DNAH9: variants seen among roughly 807,000 people sequenced by gnomAD.
DNAH9 encodes the protein dynein axonemal heavy chain 9.
Under a neutral mutation model 471.6 loss-of-function variants are expected in DNAH9, and 345 were observed. The observed-to-expected ratio is 0.73, with a 90% CI of 0.67 to 0.80. DNAH9 has a LOEUF of 0.80. Ranked by LOEUF, DNAH9 falls within the 30% of genes least tolerant of loss-of-function variation. DNAH9 has a pLI of 0.00. For missense variants in DNAH9, 5,407 were observed against 5,609.2 expected (o/e 0.96, Z 1.15); for synonymous variants, 2,093 against 2,123.6 (o/e 0.99, Z 0.40).
intron 14 of DNAH9, among the ~76,000 whole-genome samples, chr17:11,655,123 CT>C (rs1217980071): frequency 6.6e-6 from 1 of 152,098 alleles, no homozygotes; most frequent in African/African-American, 2.4e-5. Context: ...AGTGTGTAGT[CT>C]TTTACCCTCC....
rs760330537 is a variant in DNAH9 at position 11,826,820 on chromosome 17, CTTTTTTTTTTTTTT to C, written c.9246+3795_9246+3808del. ...TGTCCTCTTGTTGAGTCCCTACTTT[CTTTTTTTTTTTTTT>C]TTTTTTTTGAGACAGAGTCTGGCTG... On this transcript the variant is annotated intron_variant, in intron 48 of 68. Coordinates refer to ENST00000262442, the MANE Select transcript of DNAH9 (RefSeq NM_001372.4). Among the ~76,000 whole-genome samples the C allele has an allele frequency of 1.2e-4, 12 of 103,022 alleles. No individual in the cohort carries two copies. The Admixed American group carries it at 1.2e-3, about 10-fold the overall frequency. The allele number at this position is 103,022 out of a possible 152,430, so 67.6% of individuals were successfully genotyped here. A position where few individuals can be genotyped will look rare whatever the true frequency, so the allele number is the denominator to read the frequency against.
At chr17:11,777,407 T>C (rs1303757146) in intron 38 of DNAH9, among the ~76,000 whole-genome samples, 1 of 152,232 alleles carries the variant, frequency 6.6e-6, no homozygotes, top group Non-Finnish European at 1.5e-5. Context: ...TCTCTTCTTG[T>C]TCTTTTTGAA....
intron 38 of DNAH9, among the ~76,000 whole-genome samples, chr17:11,778,398 G>A (rs1968544378): frequency 6.7e-6 from 1 of 150,288 alleles, no homozygotes; most frequent in Admixed American, 6.6e-5. Context: ...CGGGGTGCCT[G>A]GAGCAGAGCT....
intron 67 of DNAH9, among the ~76,000 whole-genome samples, chr17:11,958,996 T>C (rs535729986): frequency 6.6e-6 from 1 of 152,174 alleles, no homozygotes; most frequent in African/African-American, 2.4e-5. Flanking sequence ...GTCAGTGAAG[T>C]TTACCATATT....
At chr17:11,850,403 C>T (rs948640341) in intron 49 of DNAH9, among the ~76,000 whole-genome samples, 1 of 152,188 alleles carries the variant, frequency 6.6e-6, no homozygotes, top group African/African-American at 2.4e-5. Context: ...AATCCCAGCA[C>T]TTTGGAAGGC....
chr17:11,648,163 C>T (rs2073430711), intron 12 of DNAH9, among the ~76,000 whole-genome samples: 1 of 152,190 alleles, frequency 6.6e-6, no homozygotes, highest in African/African-American at 2.4e-5. Flanking sequence ...AAGCAGTCAC[C>T]TACATCTGCC....
rs1974766076 is a variant in DNAH9 at position 11,937,884 on chromosome 17, C to A, written c.12660+362C>A. On this transcript the variant is annotated intron_variant, in intron 66 of 68. Coordinates refer to ENST00000262442, the MANE Select transcript of DNAH9 (RefSeq NM_001372.4). This position sits in a 1 kb window ranked among gnomAD's most constrained non-coding sequence, Gnocchi z 4.1. ...CTTCTTGATCCCCTGGCAAACCAAG[C>A]AAGGATGGGTAAGGGGTTGCCCCTG... Among the ~76,000 whole-genome samples the A allele has an allele frequency of 6.6e-6, 1 of 152,198 alleles. No homozygotes were observed. The highest frequency in any genetic ancestry group is 2.4e-5 in the African/African-American group (1 of 41,440).
intron 61 of DNAH9, among the ~76,000 whole-genome samples, chr17:11,912,192 A>AT (rs576732584): frequency 1.2e-4 from 18 of 152,008 alleles, no homozygotes; most frequent in Non-Finnish European, 2.4e-4. Flanking sequence ...TAATTTTTGT[A>AT]TTTTTTTAGT....
At chr17:11,956,799 T>C (rs781328657) in intron 67 of DNAH9, among the ~76,000 whole-genome samples, 3 of 151,878 alleles carry the variant, frequency 2.0e-5, no homozygotes, top group Non-Finnish European at 2.9e-5. Context: ...GGGAAATGTA[T>C]AGCATGAGAT....
At position 11,669,810 on chromosome 17, in the gene DNAH9, T is replaced by G; in HGVS notation, c.3353+16T>G. 1 of 1,607,310 alleles carries G rather than the reference T, an allele frequency of 6.2e-7. No homozygotes were observed. The highest frequency in any genetic ancestry group is 8.5e-7 in the Non-Finnish European group (1 of 1,175,086). On this transcript the variant is annotated intron_variant, in intron 17 of 68. Coordinates refer to ENST00000262442, the MANE Select transcript of DNAH9 (RefSeq NM_001372.4). ...TCACTCACAGGTACAACAGTTGTTT[T>G]CACTTTCTTCCAGCATGCTAGGCTG... is the stretch of plus-strand genomic sequence containing the variant.
chr17:11,788,905 T>C (rs1031528276), intron 41 of DNAH9, among the ~76,000 whole-genome samples: 1 of 152,106 alleles, frequency 6.6e-6, no homozygotes, highest in African/African-American at 2.4e-5. Flanking sequence ...ATTAAGGAAA[T>C]ATTTTTCTGT....
At chr17:11,957,744 C>G (rs138046783) in intron 67 of DNAH9, among the ~76,000 whole-genome samples, 2 of 152,070 alleles carry the variant, frequency 1.3e-5, no homozygotes, top group African/African-American at 4.8e-5. Flanking sequence ...ACAGAAAAAA[C>G]AGGAATCCTT....
At chr17:11,721,498 T>C (rs1021372690) in intron 27 of DNAH9, among the ~76,000 whole-genome samples, 1 of 152,116 alleles carries the variant, frequency 6.6e-6, no homozygotes, top group Non-Finnish European at 1.5e-5. Context: ...TTTCTGGCTG[T>C]TCAGAATTAT....
chr17:11,747,617 G>A lies in DNAH9; in HGVS notation c.6461G>A (p.Gly2154Asp), dbSNP rs758748639. ...RHSVFVVGGA[G>D]TGKSQVLRSL... ...TCTGTATTTGTGGTGGGTGGCGCTGGTACCGGCAAGTCACAGGTGCTGAGG... is the reference window on the plus strand; with the variant it reads ...TCTGTATTTGTGGTGGGTGGCGCTGATACCGGCAAGTCACAGGTGCTGAGG... The change falls in exon 32 of 69, where the codon GGT becomes GAT. Residue 2154 changes from glycine to aspartate, a missense_variant. Around this residue, in one of 3 missense-constraint regions of DNAH9, gnomAD observed 4,636 missense variants for 4,900.3 expected, o/e 0.95. Transcript: ENST00000262442. 1.2e-6 allele frequency: 2 copies of A among 1,614,068 alleles called. No homozygotes were observed. Among genetic ancestry groups the A allele is most frequent in the Non-Finnish European group, 8.5e-7 (1 of 1,180,020 alleles).
chr17:11,784,225 A>T, intron 40 of DNAH9, 75 bp from the exon 41 acceptor site: 7 of 1,589,728 alleles, frequency 4.4e-6, no homozygotes, highest in Non-Finnish European at 6.0e-6. Context: ...ATTTTCTGTT[A>T]TCTCCAAATT....
At chr17:11,766,065 C>T (rs1324271794) in intron 36 of DNAH9, among the ~76,000 whole-genome samples, 6 of 152,198 alleles carry the variant, frequency 3.9e-5, no homozygotes, top group Admixed American at 3.3e-4. Context: ...AATTGACAGC[C>T]CTGCCAGCAA....
intron 48 of DNAH9, 58 bp downstream of exon 48, chr17:11,823,092 C>A: frequency 2.7e-6 from 4 of 1,455,346 alleles, no homozygotes; most frequent in Non-Finnish European, 3.7e-6. Flanking sequence ...TGAAGCAGCC[C>A]TTTCCAGTGA....
chr17:11,745,028 GT>G lies in DNAH9; in HGVS notation c.6345del (p.Arg2116GlyfsTer4). 2 of 1,614,174 alleles carry G rather than the reference GT, an allele frequency of 1.2e-6. No homozygotes were observed. Among genetic ancestry groups the G allele is most frequent in the Non-Finnish European group, 8.5e-7 (1 of 1,180,020 alleles). On this transcript the variant is annotated frameshift_variant, in exon 31 of 69. Transcript: ENST00000262442. LOFTEE classifies it high-confidence loss of function. ...GAGAGACCCCAACTTCGAAGCTTTG[GT>G]TAGGAAGGCGATAGTGGATCTGAAG... Reference protein sequence around the residue: ...RRRDPNFEALVRKAIVDLKLQ... With the variant: ...RRRDPNFEALXRKAIVDLKLQ...
At chr17:11,919,094 G>A (rs1974047498) in intron 61 of DNAH9, among the ~76,000 whole-genome samples, 1 of 152,128 alleles carries the variant, frequency 6.6e-6, no homozygotes. Flanking sequence ...TTCATTGACA[G>A]GGCAGTGTAC....
Sources: gnomAD v4.1 joint callset for allele counts (sites outside exome capture counted in the v4.1 genomes callset) on GRCh38, gnomAD v4.1.1 for gene constraint, gnomAD v4.1.1 regional missense constraint, Gnocchi (gnomAD v3.1) non-coding constraint, MANE v1.5 for transcripts, NCBI Gene and HGNC (gene_info 2026-07-23, HGNC 2026-07-21) for gene names.